Variants in MPHOSPH8 observed in about 807,000 individuals in gnomAD.
MPHOSPH8 encodes the protein M-phase phosphoprotein 8.
In MPHOSPH8, 45 loss-of-function variants were observed where a neutral mutation model predicts 87.3. The ratio of observed to expected loss-of-function variants is 0.52; its 90% confidence interval spans 0.41 to 0.66. The LOEUF is 0.66. MPHOSPH8 is among the 30% of genes least tolerant of loss of function. MPHOSPH8 has a pLI of 0.00. For missense variants in MPHOSPH8, 883 were observed against 1,020.2 expected, an observed-to-expected ratio of 0.87 and a Z score of 1.83; for synonymous variants, 366 against 376.9, an observed-to-expected ratio of 0.97 and a Z score of 0.33.
chr13:19,643,597 C>T (rs1010282596), intron 2 of MPHOSPH8, among the ~76,000 whole-genome samples: 7 of 152,100 alleles, frequency 4.6e-5, no homozygotes, highest in African/African-American at 1.7e-4. Context: ...TGCCCTTTGC[C>T]CTTCCTTTAA....
rs1220101375 is a variant in MPHOSPH8, at chr13:19,670,277, G to A, written c.2371G>A (p.Gly791Ser). ...LLFIFHANFL[G>S]KEVIARLCGP... ...GTTTATCTTCCATGCAAACTTTTTG[G>A]GTAAAGAAGTTATTGCTCGGCTCTG... The change falls in exon 12 of 14, where the codon GGT (glycine) becomes AGT (serine). Residue 791 changes from glycine to serine, a missense_variant. By Grantham distance (56) the Gly-to-Ser change is moderately conservative. Transcript: ENST00000361479. 2.5e-6 allele frequency: 4 copies of A among 1,614,124 alleles called. No homozygotes were observed. The highest frequency in any genetic ancestry group is 3.4e-6 in the Non-Finnish European group (4 of 1,179,968).
intron 5 of MPHOSPH8, among the ~76,000 whole-genome samples, chr13:19,654,101 T>C (rs932177196): frequency 6.6e-6 from 1 of 152,114 alleles, no homozygotes; most frequent in Non-Finnish European, 1.5e-5. Context: ...CAAGACGTAA[T>C]CATCAGATTC....
At chr13:19,667,097 G>T (rs374349485) in intron 10 of MPHOSPH8, among the ~76,000 whole-genome samples, 1 of 152,110 alleles carries the variant, frequency 6.6e-6, no homozygotes, top group Non-Finnish European at 1.5e-5. Flanking sequence ...GGGAGGCGGA[G>T]GTTGCAGTGA....
intron 5 of MPHOSPH8, among the ~76,000 whole-genome samples, chr13:19,654,191 G>T (rs1717495610): frequency 3.3e-5 from 5 of 152,332 alleles, no homozygotes; most frequent in African/African-American, 1.2e-4. Flanking sequence ...AAGCCTGTCA[G>T]ACTAACATCA....
chr13:19,654,640 A>G (rs1056241738), intron 5 of MPHOSPH8, among the ~76,000 whole-genome samples: 3 of 152,154 alleles, frequency 2.0e-5, no homozygotes, highest in Admixed American at 2.0e-4. Flanking sequence ...CAGTACCAAA[A>G]CCAGACAAAA....
rs528149101 is a variant in MPHOSPH8, at chr13:19,659,235, T to G, written c.1737T>G (p.Tyr579Ter). ...GGGATGCTGTGAAAAATGGGGATTA[T>G]ATTACTGTAAAAGTTGCACTTAATT... ...VLRDAVKNGDYITVKVALNSN... is the reference protein window; with the variant it reads ...VLRDAVKNGD The change falls in exon 7 of 14, where the codon TAT becomes TAG. Residue 579 changes from tyrosine to a stop codon, truncating the protein, a stop_gained. Transcript: ENST00000361479. LOFTEE classifies it high-confidence loss of function. 1.2e-6 allele frequency: 2 copies of G among 1,612,828 alleles called. No homozygotes were observed. The highest frequency in any genetic ancestry group is 4.5e-5 in the East Asian group (2 of 44,862).
At chr13:19,642,091 G>A (rs781479179) in intron 1 of MPHOSPH8, 24 bp from the exon 2 acceptor site, 2 of 873,448 alleles carry the variant, frequency 2.3e-6, no homozygotes, top group South Asian at 3.0e-5. Context: ...TGCTTTATTT[G>A]CCTCCTTTTA....
At chr13:19,663,650 T>A (rs1326963937) in intron 9 of MPHOSPH8, among the ~76,000 whole-genome samples, 1 of 152,204 alleles carries the variant, frequency 6.6e-6, no homozygotes, top group African/African-American at 2.4e-5. Flanking sequence ...GTCAGCAGTT[T>A]GGCATTTGTC....
At chr13:19,671,104 A>T in intron 12 of MPHOSPH8, 102 bp from the exon 13 acceptor site, 1 of 1,495,518 alleles carries the variant, frequency 6.7e-7, no homozygotes, top group Non-Finnish European at 8.8e-7. Context: ...CTTATGAAAT[A>T]AAAAATAAAA....
intron 1 of MPHOSPH8, among the ~76,000 whole-genome samples, chr13:19,639,100 T>A (rs1294509366): frequency 3.2e-5 from 4 of 124,666 alleles, no homozygotes; most frequent in South Asian, 2.7e-4. Flanking sequence ...AAAAAAAAAA[T>A]TTACCATAGG....
At chr13:19,658,508 G>A (rs2137530797) in intron 5 of MPHOSPH8, among the ~76,000 whole-genome samples, 1 of 152,284 alleles carries the variant, frequency 6.6e-6, no homozygotes, top group East Asian at 1.9e-4. Context: ...GGGAGCAGGA[G>A]GCTTCCAGAT....
Position 19,647,311 on chromosome 13 carries a change from G to A in MPHOSPH8, c.1218+20G>A, listed in dbSNP as rs767600206. The A allele has an allele frequency of 1.3e-6, 2 of 1,557,800 alleles. No homozygotes were observed. Among genetic ancestry groups the A allele is most frequent in the Non-Finnish European group, 8.6e-7 (1 of 1,157,470 alleles). On this transcript the variant is annotated intron_variant, in intron 3 of 13. Transcript: ENST00000361479. Reference sequence around the variant, plus strand: ...GAGGAGGTAAGGGCCACGGGAGGCAGCAGAAAACCCATGTTGAGTGGTCAA... The same window carrying A: ...GAGGAGGTAAGGGCCACGGGAGGCAACAGAAAACCCATGTTGAGTGGTCAA...
At chr13:19,671,083 CA>C (rs1876100271) in intron 12 of MPHOSPH8, 122 bp from the exon 13 acceptor site, 1 of 1,467,888 alleles carries the variant, frequency 6.8e-7, no homozygotes, top group Non-Finnish European at 8.9e-7. Context: ...GCCTCCTCCA[CA>C]ACATCTTGAC....
intron 5 of MPHOSPH8, among the ~76,000 whole-genome samples, chr13:19,654,064 T>G (rs1875015075): frequency 6.6e-6 from 1 of 152,104 alleles, no homozygotes; most frequent in East Asian, 1.9e-4. Context: ...AGAGCAGCAT[T>G]AAGATACTCC....
chr13:19,672,006 C>G lies in MPHOSPH8; in HGVS notation c.*131C>G. ...AACCTCTTGCAGTTAAGCCTGTTGT[C>G]TGTTGTAGTCTGTAAGATGCGACAT... On this transcript the variant is annotated 3_prime_UTR_variant, in exon 14 of 14. Coordinates refer to ENST00000361479, the MANE Select transcript of MPHOSPH8 (RefSeq NM_017520.4). 1 of 859,078 alleles carries G rather than the reference C, an allele frequency of 1.2e-6. No individual in the cohort carries two copies. Among genetic ancestry groups the G allele is most frequent in the Non-Finnish European group, 1.9e-6 (1 of 535,196 alleles). 53.2% of individuals were successfully genotyped at this position (859,078 alleles called of 1,614,324 possible). A position where few individuals can be genotyped will look rare whatever the true frequency, so the allele number is the denominator to read the frequency against.
Position 19,670,312 on chromosome 13 carries a change from T to C in MPHOSPH8, c.2406T>C (p.Cys802=). Residue 802 remains cysteine, a synonymous_variant, in exon 12 of 14, where the codon TGT becomes TGC. Transcript: ENST00000361479. ...KEVIARLCGP[C]SVQAVVLNDK... ...TTATTGCTCGGCTCTGTGGACCGTG[T>C]AGTGTACAAGCTGTAGTTCTGAATG... 1 of 1,614,188 alleles carries C rather than the reference T, an allele frequency of 6.2e-7. No individual in the cohort carries two copies. Among genetic ancestry groups the C allele is most frequent in the Non-Finnish European group, 8.5e-7 (1 of 1,179,978 alleles).
chr13:19,653,468 T>C (rs537524051), intron 5 of MPHOSPH8, among the ~76,000 whole-genome samples: 4 of 152,272 alleles, frequency 2.6e-5, no homozygotes, highest in African/African-American at 9.6e-5. Flanking sequence ...GAGAAACCAG[T>C]GCAAAAAGTC....
intron 10 of MPHOSPH8, among the ~76,000 whole-genome samples, chr13:19,667,062 T>C (rs753607135): frequency 1.2e-4 from 19 of 152,060 alleles, no homozygotes; most frequent in Non-Finnish European, 2.5e-4. Context: ...CTCAGGATGC[T>C]GAGGCAGGAG....
chr13:19,635,892 G>A (rs530354325), intron 1 of MPHOSPH8, among the ~76,000 whole-genome samples: 2 of 152,214 alleles, frequency 1.3e-5, no homozygotes, highest in African/African-American at 4.8e-5. Context: ...GAGTGGTTTC[G>A]CCCATGCTGT....
Sources: allele counts gnomAD v4.1 joint callset (sites outside exome capture counted in the v4.1 genomes callset), GRCh38; gene constraint gnomAD v4.1.1; transcripts MANE v1.5; gene names NCBI Gene and HGNC (gene_info 2026-07-23, HGNC 2026-07-21).